Variants in BLK observed in about 807,000 individuals in gnomAD.
The protein encoded by BLK is tyrosine-protein kinase Blk.
Under a neutral mutation model 61.8 loss-of-function variants are expected in BLK, and 64 were observed. That is an observed-to-expected ratio of 1.03 (90% CI 0.85 to 1.27). BLK has a LOEUF of 1.27. Ranked by LOEUF, BLK falls within the 50% of genes most tolerant of loss-of-function variation. The pLI, the probability that BLK is intolerant of heterozygous loss-of-function variation, is 0.00. For missense variants in BLK, 853 were observed against 660.5 expected, an observed-to-expected ratio of 1.29 and a Z score of -3.19; for synonymous variants, 351 against 272.0, an observed-to-expected ratio of 1.29 and a Z score of -2.86.
At chr8:11,529,359 C>T (rs549674883) in intron 1 of BLK, among the ~76,000 whole-genome samples, 80 of 152,178 alleles carry the variant, frequency 5.3e-4, no homozygotes, top group Admixed American at 1.6e-3. Context: ...GCCAGTGAGT[C>T]GAGAGTGCTG....
At position 11,564,245 on chromosome 8, in the gene BLK, C is replaced by A; in HGVS notation, c.*137C>A. On this transcript the variant is annotated 3_prime_UTR_variant, in exon 13 of 13. Coordinates refer to ENST00000259089, the MANE Select transcript of BLK (RefSeq NM_001715.3). ...CCCGGAATCCAGTGGGCAGAGGCAG[C>A]TTCGCAGGGGGTCCCCGGACGGACT... 1 of 1,075,346 alleles carries A rather than the reference C, an allele frequency of 9.3e-7. No individual in the cohort carries two copies. The highest frequency in any genetic ancestry group is 1.4e-6 in the Non-Finnish European group (1 of 730,462). 66.6% of individuals were successfully genotyped at this position (1,075,346 alleles called of 1,614,324 possible).
In BLK at chr8:11,548,665, C is replaced by T. The variant is rs185350018; in HGVS notation, c.270-359C>T. Among the ~76,000 whole-genome samples, 263 of 152,318 alleles carry T rather than the reference C, an allele frequency of 1.7e-3. 2 individuals carry two copies. Among genetic ancestry groups the T allele is most frequent in the African/African-American group, 6.1e-3 (253 of 41,576 alleles). On this transcript the variant is annotated intron_variant, in intron 4 of 12. Coordinates refer to ENST00000259089, the MANE Select transcript of BLK (RefSeq NM_001715.3). ...CTCCAAAGGCCCTGAGCCAAGCTCACGAAGGTCCTGACTGCTGATTCTATA... is the reference window on the plus strand; with the variant it reads ...CTCCAAAGGCCCTGAGCCAAGCTCATGAAGGTCCTGACTGCTGATTCTATA...
At chr8:11,558,489 G>A (rs1460641484) in intron 10 of BLK, 2 of 369,892 alleles carry the variant, frequency 5.4e-6, no homozygotes, top group Non-Finnish European at 1.1e-5. Context: ...GCACAGCCCT[G>A]GCGTCGACCC....
chr8:11,508,453 C>T (rs1056370205), intron 1 of BLK, among the ~76,000 whole-genome samples: 1 of 152,208 alleles, frequency 6.6e-6, no homozygotes, highest in East Asian at 1.9e-4. Flanking sequence ...GGCCCCATGG[C>T]GAAGCCATCA....
In BLK at chr8:11,564,046, C is replaced by T. The variant is rs761100058; in HGVS notation, c.1456C>T (p.Leu486=). 1.0e-5 allele frequency: 16 copies of T among 1,603,292 alleles called. No homozygotes were observed. The highest frequency in any genetic ancestry group is 1.3e-5 in the African/African-American group (1 of 74,894). The change falls in exon 13 of 13, where the codon CTG becomes TTG. Residue 486 remains leucine (L), a synonymous_variant. Coordinates refer to ENST00000259089, the MANE Select transcript of BLK (RefSeq NM_001715.3). ...CGAGGAGCGGCCCACCTTCGAGTTC[C>T]TGCAGTCGGTGCTGGAGGACTTCTA... ...RPEERPTFEF[L]QSVLEDFYTA...
At chr8:11,503,836 C>A (rs1798658116) in intron 1 of BLK, among the ~76,000 whole-genome samples, 1 of 152,122 alleles carries the variant, frequency 6.6e-6, no homozygotes, top group Admixed American at 6.5e-5. Flanking sequence ...CATCTTCCAC[C>A]CTCCCCTGCT....
chr8:11,548,617 G>A (rs1800756194), intron 4 of BLK, among the ~76,000 whole-genome samples: 1 of 152,274 alleles, frequency 6.6e-6, no homozygotes, highest in African/African-American at 2.4e-5. Flanking sequence ...GAGCTCTGAG[G>A]GTCTGATTTG....
chr8:11,558,519 G>A (rs1481627847), intron 10 of BLK: 2 of 395,086 alleles, frequency 5.1e-6, no homozygotes, highest in African/African-American at 2.1e-5. Context: ...GGGCAGGCCT[G>A]AGCTACACAC....
intron 8 of BLK, chr8:11,556,342 G>T: frequency 2.4e-6 from 1 of 418,194 alleles, no homozygotes; most frequent in Non-Finnish European, 4.5e-6. Flanking sequence ...TGATAGAAGA[G>T]ACTCATTATG....
intron 9 of BLK, 48 bp downstream of exon 9, chr8:11,556,885 G>A (rs769020890): frequency 3.9e-5 from 63 of 1,597,272 alleles, no homozygotes; most frequent in East Asian, 1.8e-4. Context: ...CGGGAGGGCC[G>A]GGCTTAGCAG....
At chr8:11,530,668 G>A (rs1310578899) in intron 1 of BLK, among the ~76,000 whole-genome samples, 4 of 77,134 alleles carry the variant, frequency 5.2e-5, no homozygotes, top group South Asian at 6.0e-4. Flanking sequence ...ATTGTTAAAA[G>A]TTGTAAATAG....
intron 1 of BLK, among the ~76,000 whole-genome samples, chr8:11,508,064 C>G (rs565705123): frequency 6.6e-6 from 1 of 152,206 alleles, no homozygotes; most frequent in African/African-American, 2.4e-5. Flanking sequence ...GTCCTCACAA[C>G]AGCCCCGTGA....
At chr8:11,535,298 AAGAAAGAAAGAAAGAAAGAAAGAAAG>A (rs1178036189) in intron 1 of BLK, among the ~76,000 whole-genome samples, 60 of 146,362 alleles carry the variant, frequency 4.1e-4, no homozygotes, top group East Asian at 1.3e-3. Flanking sequence ...GAAAGAAAGA[AAGAAAGAAAGAAAGAAAGAAAGAAAG>A]AGAAGGAAAA....
chr8:11,559,877 C>A (rs984160866), intron 10 of BLK: 1 of 455,992 alleles, frequency 2.2e-6, no homozygotes, highest in Non-Finnish European at 4.4e-6. Flanking sequence ...GCCCTTAGCT[C>A]AGGTGTTCCC....
intron 1 of BLK, among the ~76,000 whole-genome samples, chr8:11,508,004 T>G (rs1256371839): frequency 1.3e-5 from 2 of 152,048 alleles, no homozygotes; most frequent in African/African-American, 4.8e-5. Flanking sequence ...ACTGGTCAAG[T>G]AGGGGGTCAT....
At position 11,512,436 on chromosome 8, in the gene BLK, G is replaced by A. The variant is rs190332196; in HGVS notation, c.-2+17845G>A. On this transcript the variant is annotated intron_variant, in intron 1 of 12. Transcript: ENST00000259089. ...CATGTCAGCCATCTGACACAGATGT[G>A]GATAGTCTGAAAGCCCAACAGTTCT... Among the ~76,000 whole-genome samples the A allele has an allele frequency of 6.2e-4, 94 of 152,286 alleles. 1 individual carries two copies. Among genetic ancestry groups the A allele is most frequent in the Non-Finnish European group, 3.7e-4 (25 of 68,034 alleles).
intron 1 of BLK, among the ~76,000 whole-genome samples, chr8:11,500,267 C>T (rs1477755454): frequency 6.6e-6 from 1 of 152,172 alleles, no homozygotes; most frequent in African/African-American, 2.4e-5. Flanking sequence ...GATCTCAGCT[C>T]ACTACATCCT....
At chr8:11,542,648 A>G (rs1800434429) in intron 1 of BLK, among the ~76,000 whole-genome samples, 1 of 152,180 alleles carries the variant, frequency 6.6e-6, no homozygotes, top group Non-Finnish European at 1.5e-5. Context: ...CCCCCCTTTA[A>G]GGAGACCCCT....
chr8:11,504,390 A>AG (rs1180992708), intron 1 of BLK, among the ~76,000 whole-genome samples: 3 of 82,250 alleles, frequency 3.6e-5, no homozygotes, highest in African/African-American at 1.1e-4. Flanking sequence ...AGAAAAGAAA[A>AG]GAAAAGAAAA....
Sources: allele counts gnomAD v4.1 joint callset (sites outside exome capture counted in the v4.1 genomes callset), GRCh38; gene constraint gnomAD v4.1.1; transcripts MANE v1.5; gene names NCBI Gene and HGNC (gene_info 2026-07-23, HGNC 2026-07-21).